The following HPSE2 variants were observed in gnomAD, a reference collection of about 807,000 sequenced individuals.
HPSE2 encodes the protein heparanase 2 (inactive).
HPSE2 carries 38 observed loss-of-function variants against 60.5 expected under a neutral mutation model. The observed-to-expected ratio is 0.63, with a 90% CI of 0.48 to 0.82. The LOEUF is 0.82. HPSE2 is among the 40% of genes least tolerant of loss of function. The pLI is 0.00. For missense variants in HPSE2, 713 were observed against 740.4 expected, an observed-to-expected ratio of 0.96 and a Z score of 0.43; for synonymous variants, 295 against 293.2, an observed-to-expected ratio of 1.01 and a Z score of -0.06.
chr10:98,738,178 C>T (rs1356198898), intron 4 of HPSE2, among the ~76,000 whole-genome samples: 1 of 152,150 alleles, frequency 6.6e-6, no homozygotes, highest in Admixed American at 6.5e-5. Context: ...AATAACACCA[C>T]ACATTTACAA....
intron 2 of HPSE2, among the ~76,000 whole-genome samples, chr10:99,205,218 C>T (rs1254535546): frequency 6.6e-6 from 1 of 152,124 alleles, no homozygotes; most frequent in Non-Finnish European, 1.5e-5. Context: ...AACAAAGAAG[C>T]ACGTGTAGCT....
At chr10:98,674,071 CA>C (rs1427408342) in intron 6 of HPSE2, among the ~76,000 whole-genome samples, 2 of 152,174 alleles carry the variant, frequency 1.3e-5, no homozygotes, top group African/African-American at 4.8e-5. Flanking sequence ...GTCTGGACCA[CA>C]CTTTAATACC....
chr10:98,512,812 A>ACACACACACACACACACAC (rs375085018), intron 9 of HPSE2, among the ~76,000 whole-genome samples: 1 of 124,546 alleles, frequency 8.0e-6, no homozygotes, highest in Non-Finnish European at 1.7e-5. Flanking sequence ...CCCACCCCCC[A>ACACACACACACACACACAC]ACACACACAC....
chr10:98,827,926 G>A (rs1161880453), intron 3 of HPSE2, among the ~76,000 whole-genome samples: 1 of 152,164 alleles, frequency 6.6e-6, no homozygotes, highest in Non-Finnish European at 1.5e-5. Flanking sequence ...TAGACCTTGA[G>A]TAAAGCAGAT....
chr10:98,970,366 G>A (rs1955920809), intron 3 of HPSE2, among the ~76,000 whole-genome samples: 1 of 152,074 alleles, frequency 6.6e-6, no homozygotes, highest in Admixed American at 6.6e-5. Flanking sequence ...CTGTCCCCAT[G>A]ATCCAAACAC....
chr10:98,930,822 T>A (rs1206131544), intron 3 of HPSE2, among the ~76,000 whole-genome samples: 1 of 144,428 alleles, frequency 6.9e-6, no homozygotes, highest in Non-Finnish European at 1.5e-5. Context: ...TGGGGTTGTT[T>A]TTTGCTTGTA....
intron 2 of HPSE2, among the ~76,000 whole-genome samples, chr10:99,175,713 T>C (rs921407585): frequency 1.3e-5 from 2 of 152,164 alleles, no homozygotes; most frequent in Non-Finnish European, 2.9e-5. Flanking sequence ...ACTTAAACGT[T>C]CCTGCCTGCT....
chr10:99,014,424 A>G (rs1398154351), intron 3 of HPSE2, among the ~76,000 whole-genome samples: 1 of 152,136 alleles, frequency 6.6e-6, no homozygotes, highest in Non-Finnish European at 1.5e-5. Flanking sequence ...ATGTGCATGC[A>G]TGTGTCTTCA....
At chr10:99,113,790 A>T (rs1014445593) in intron 3 of HPSE2, among the ~76,000 whole-genome samples, 1 of 152,042 alleles carries the variant, frequency 6.6e-6, no homozygotes, top group Non-Finnish European at 1.5e-5. Context: ...TAGAGGTACA[A>T]GTGCAGTTGT....
Position 99,113,788 on chromosome 10 carries a change from C to A in HPSE2, c.610+30450G>T, listed in dbSNP as rs570750455. On this transcript the variant is annotated intron_variant, in intron 3 of 11. Transcript: ENST00000370552. The stretch of plus-strand genomic sequence containing the variant: ...TTTTAGTTTTATAAAATTAGAGGTA[C>A]AAGTGCAGTTGTGTTACATGAATAT... Among the ~76,000 whole-genome samples the A allele has an allele frequency of 2.8e-4, 42 of 151,518 alleles. No individual in the cohort carries two copies. In the South Asian group the frequency reaches 7.9e-3, roughly 28 times the overall value.
chr10:98,746,803 T>A (rs928477648), intron 3 of HPSE2, among the ~76,000 whole-genome samples: 15 of 151,868 alleles, frequency 9.9e-5, no homozygotes, highest in Non-Finnish European at 1.6e-4. Flanking sequence ...GATTTTTTTT[T>A]AAAAAGAAAA....
At chr10:98,943,255 T>C (rs1192214412) in intron 3 of HPSE2, among the ~76,000 whole-genome samples, 2 of 150,538 alleles carry the variant, frequency 1.3e-5, no homozygotes, top group Non-Finnish European at 3.0e-5. Context: ...AAAATTATAA[T>C]AAAAAAATAA....
chr10:98,671,618 G>A (rs1205916001), intron 6 of HPSE2, among the ~76,000 whole-genome samples: 1 of 152,098 alleles, frequency 6.6e-6, no homozygotes, highest in Non-Finnish European at 1.5e-5. Flanking sequence ...CTTCACCCCC[G>A]CCCCTTGTGG....
chr10:99,186,131 C>CAT (rs905123856), intron 2 of HPSE2, among the ~76,000 whole-genome samples: 7 of 149,526 alleles, frequency 4.7e-5, no homozygotes, highest in African/African-American at 1.7e-4. Flanking sequence ...CACACACACA[C>CAT]ACACACACAC....
At chr10:98,817,001 T>C (rs1202653784) in intron 3 of HPSE2, among the ~76,000 whole-genome samples, 1 of 152,120 alleles carries the variant, frequency 6.6e-6, no homozygotes, top group Non-Finnish European at 1.5e-5. Context: ...CCCCTTGTGC[T>C]CTCCTTCTCT....
At chr10:99,139,657 G>A (rs367801880) in intron 3 of HPSE2, among the ~76,000 whole-genome samples, 1 of 151,760 alleles carries the variant, frequency 6.6e-6, no homozygotes, top group South Asian at 2.1e-4. Flanking sequence ...ACCATTGCAG[G>A]GGCTAGTCTA....
the HPSE2 span, among the ~76,000 whole-genome samples, chr10:99,311,637 G>C: frequency 6.6e-6 from 1 of 152,092 alleles, no homozygotes; most frequent in Admixed American, 6.5e-5. Flanking sequence ...CCTATTCCCT[G>C]ATTGAAATTA....
At chr10:99,119,867 T>C (rs1053335787) in intron 3 of HPSE2, among the ~76,000 whole-genome samples, 4 of 152,176 alleles carry the variant, frequency 2.6e-5, no homozygotes, top group African/African-American at 9.7e-5. Flanking sequence ...ATTCAAAAAA[T>C]GGTGCTGGAC....
At chr10:99,213,879 C>T (rs1849031009) in intron 2 of HPSE2, among the ~76,000 whole-genome samples, 1 of 152,116 alleles carries the variant, frequency 6.6e-6, no homozygotes, top group African/African-American at 2.4e-5. Context: ...AATTAAAAAA[C>T]ATTTGTTCTT....
Sources: allele counts gnomAD v4.1 joint callset (sites outside exome capture counted in the v4.1 genomes callset), GRCh38; gene constraint gnomAD v4.1.1; transcripts MANE v1.5; gene names NCBI Gene and HGNC (gene_info 2026-07-23, HGNC 2026-07-21).